Variants in PLPPR5 observed in about 807,000 individuals in gnomAD.
PLPPR5 encodes the protein phospholipid phosphatase related 5, also known as phospholipid phosphatase-related protein type 5.
In PLPPR5, 16 loss-of-function variants were observed where a neutral mutation model predicts 33.9. The observed-to-expected ratio is 0.47, with a 90% CI of 0.32 to 0.72. The LOEUF (loss-of-function observed/expected upper bound fraction) is 0.72, where lower values mean the gene tolerates loss of function less well. Ranked by LOEUF, PLPPR5 falls within the 30% of genes least tolerant of loss-of-function variation. PLPPR5 has a pLI of 0.03. For missense variants in PLPPR5, 301 were observed against 406.7 expected (o/e 0.74, Z 2.23); for synonymous variants, 163 against 150.3 (o/e 1.08, Z -0.62).
At position 98,897,110 on chromosome 1, in the gene PLPPR5, TAAC is replaced by T. The variant is rs532361163; in HGVS notation, c.934-4009_934-4007del. Among the ~76,000 whole-genome samples, 31 of 152,302 alleles carry T rather than the reference TAAC, an allele frequency of 2.0e-4. No homozygotes were observed. The East Asian group carries it at 4.8e-3, about 24-fold the overall frequency. On this transcript the variant is annotated intron_variant, in intron 5 of 5. Transcript: ENST00000263177. ...AATGTATTTGAAAGATTAATAATTA[TAAC>T]AACAACAACAGCAACCAAAAGCTCT...
chr1:98,924,210 A>G (rs1649670361), intron 3 of PLPPR5, among the ~76,000 whole-genome samples: 1 of 152,218 alleles, frequency 6.6e-6, no homozygotes, highest in East Asian at 1.9e-4. Flanking sequence ...AATCTTCAAA[A>G]CAATCATTGA....
intron 1 of PLPPR5, among the ~76,000 whole-genome samples, chr1:98,991,549 G>A (rs1414026296): frequency 6.6e-6 from 1 of 152,172 alleles, no homozygotes; most frequent in Non-Finnish European, 1.5e-5. Flanking sequence ...CAGAATAGTA[G>A]AAAGGGCTCA....
At chr1:98,955,517 AGTT>A (rs975323741) in intron 2 of PLPPR5, among the ~76,000 whole-genome samples, 8 of 152,236 alleles carry the variant, frequency 5.3e-5, no homozygotes, top group African/African-American at 1.9e-4. Flanking sequence ...TTCATATAAA[AGTT>A]GTCCCTTCAA....
intron 1 of PLPPR5, among the ~76,000 whole-genome samples, chr1:98,989,015 C>T (rs1438649083): frequency 1.3e-5 from 2 of 152,092 alleles, no homozygotes; most frequent in Non-Finnish European, 1.5e-5. Flanking sequence ...TCTAGATCTG[C>T]TTGTTCTCAC....
At chr1:98,950,949 G>T (rs76614535) in intron 3 of PLPPR5, among the ~76,000 whole-genome samples, 2,240 of 151,996 alleles carry the variant, frequency 0.015, 53 homozygotes, top group African/African-American at 0.052. Flanking sequence ...TGATCTTTCT[G>T]CTTTTTGGTC....
chr1:98,938,181 C>A (rs1650242230), intron 3 of PLPPR5, among the ~76,000 whole-genome samples: 2 of 151,866 alleles, frequency 1.3e-5, no homozygotes. Flanking sequence ...GACATGATAG[C>A]ATAGTAATTG....
At chr1:98,926,744 A>T (rs531758603) in intron 3 of PLPPR5, among the ~76,000 whole-genome samples, 1 of 152,200 alleles carries the variant, frequency 6.6e-6, no homozygotes, top group Non-Finnish European at 1.5e-5. Flanking sequence ...TTAGCTACAC[A>T]CAGATCACTA....
At chr1:98,893,494 C>G (rs1648357935) in intron 5 of PLPPR5, among the ~76,000 whole-genome samples, 1 of 151,840 alleles carries the variant, frequency 6.6e-6, no homozygotes, top group Non-Finnish European at 1.5e-5. Flanking sequence ...GTGAAATGCT[C>G]AGACTAAAAT....
intron 3 of PLPPR5, among the ~76,000 whole-genome samples, chr1:98,943,505 A>G (rs921234914): frequency 6.6e-6 from 1 of 152,168 alleles, no homozygotes; most frequent in African/African-American, 2.4e-5. Flanking sequence ...TAGGTAATAA[A>G]TAAGTCCAGG....
At chr1:98,902,573 A>T (rs1383833) in intron 5 of PLPPR5, among the ~76,000 whole-genome samples, 95,187 of 151,892 alleles carry the variant, frequency 0.63, 30,051 homozygotes, top group East Asian at 0.76. Context: ...AATAAAATTT[A>T]ATATTTTTTC....
chr1:98,957,659 T>C (rs912473334), intron 1 of PLPPR5, among the ~76,000 whole-genome samples: 1 of 152,180 alleles, frequency 6.6e-6, no homozygotes, highest in African/African-American at 2.4e-5. Context: ...TTTGAGAGCC[T>C]CCTGTTCTGA....
At chr1:98,934,972 A>G (rs778193335) in intron 3 of PLPPR5, among the ~76,000 whole-genome samples, 1 of 152,190 alleles carries the variant, frequency 6.6e-6, no homozygotes, top group Non-Finnish European at 1.5e-5. Context: ...AGTGGAAGGA[A>G]GTTTACAGAA....
In PLPPR5 at chr1:98,986,693, G is replaced by A. The variant is rs113797653; in HGVS notation, c.237+17742C>T. On this transcript the variant is annotated intron_variant, in intron 1 of 5. Coordinates refer to ENST00000263177, the MANE Select transcript of PLPPR5 (RefSeq NM_001037317.2). Reference sequence around the variant, plus strand: ...GAATCTTGTGAAAAGAATTTTATGCGTGATAAAGCTGGCTAAAATTAGAAG... The same window carrying A: ...GAATCTTGTGAAAAGAATTTTATGCATGATAAAGCTGGCTAAAATTAGAAG... Among the ~76,000 whole-genome samples the A allele has an allele frequency of 9.0e-4, 137 of 151,918 alleles. 1 individual carries two copies. The highest frequency in any genetic ancestry group is 6.8e-3 in the Middle Eastern group (2 of 294).
chr1:98,923,950 T>C (rs750445069), intron 3 of PLPPR5, among the ~76,000 whole-genome samples: 4 of 152,218 alleles, frequency 2.6e-5, no homozygotes, highest in South Asian at 2.1e-4. Context: ...TGCGTATGAA[T>C]AGACAGGGAA....
chr1:98,981,740 T>TA (rs1387777819), intron 1 of PLPPR5, among the ~76,000 whole-genome samples: 1 of 152,088 alleles, frequency 6.6e-6, no homozygotes, highest in African/African-American at 2.4e-5. Context: ...CATTGTGCTT[T>TA]AACACGATTG....
chr1:98,975,617 C>T (rs1416752190), intron 1 of PLPPR5, among the ~76,000 whole-genome samples: 1 of 151,980 alleles, frequency 6.6e-6, no homozygotes, highest in Non-Finnish European at 1.5e-5. Flanking sequence ...ATGCCTCTGA[C>T]AATTATGCAT....
At chr1:99,004,907 GC>G, upstream of PLPPR5, 2 of 189,914 alleles carry the variant, frequency 1.1e-5, no homozygotes, top group Non-Finnish European at 1.1e-5. Flanking sequence ...TCCCCTGCCC[GC>G]CCCCTGCCCG....
chr1:98,968,013 ACAAGAACAC>A (rs1651512747), intron 1 of PLPPR5, among the ~76,000 whole-genome samples: 1 of 152,152 alleles, frequency 6.6e-6, no homozygotes, highest in Non-Finnish European at 1.5e-5. Context: ...AGTTTGCTGA[ACAAGAACAC>A]CAAGATTCAC....
At chr1:98,893,331 G>A (rs1648351965) in intron 5 of PLPPR5, among the ~76,000 whole-genome samples, 1 of 151,946 alleles carries the variant, frequency 6.6e-6, no homozygotes, top group Admixed American at 6.6e-5. Flanking sequence ...TGTTATACCT[G>A]CTTTATTCAA....
Sources: gnomAD v4.1 joint callset for allele counts (sites outside exome capture counted in the v4.1 genomes callset) on GRCh38, gnomAD v4.1.1 for gene constraint, MANE v1.5 for transcripts, NCBI Gene and HGNC (gene_info 2026-07-23, HGNC 2026-07-21) for gene names.